Variants in SGCD observed in about 807,000 individuals in gnomAD.
SGCD encodes sarcoglycan delta, also known as delta-sarcoglycan.
A neutral mutation model predicts 36.6 loss-of-function variants in SGCD; 18 were observed. That is an observed-to-expected ratio of 0.49 (90% CI 0.34 to 0.73). SGCD has a LOEUF of 0.73. Among genes scored for constraint, SGCD ranks in the 30% least tolerant of loss-of-function variants. The pLI is 0.01. For missense variants in SGCD, 387 were observed against 346.7 expected, an observed-to-expected ratio of 1.12 and a Z score of -0.92; for synonymous variants, 133 against 130.6, an observed-to-expected ratio of 1.02 and a Z score of -0.12.
intron 3 of SGCD, among the ~76,000 whole-genome samples, chr5:156,444,064 TTC>T (rs535098783): frequency 0.057 from 1,958 of 34,446 alleles, 97 homozygotes; most frequent in Non-Finnish European, 0.076. Flanking sequence ...CTTTCTCTCC[TTC>T]TCTCTCTCTC....
At position 156,589,290 on chromosome 5, in the gene SGCD, G is replaced by T. The variant is rs770930747; in HGVS notation, c.354G>T (p.Gln118His). 5.7e-6 allele frequency: 9 copies of T among 1,573,550 alleles called. No homozygotes were observed. The Admixed American group carries it at 1.1e-4, about 20-fold the overall frequency. ...RNVTVNILND[Q>H]TKVLTQLITG... ...TTACAGTGAACATTCTCAATGACCA[G>T]ACTAAAGTGCTAACTCAGCTTATAA... The change falls in exon 5 of 9, where the codon CAG becomes CAT. Residue 118 changes from glutamine (Q) to histidine (H), a missense_variant. Transcript: ENST00000337851.
chr5:156,654,468 G>A (rs1763595078), intron 7 of SGCD, among the ~76,000 whole-genome samples: 2 of 152,110 alleles, frequency 1.3e-5, no homozygotes, highest in Admixed American at 1.3e-4. Flanking sequence ...TAAAAACTCA[G>A]GGAAGGAACC....
At chr5:156,036,694 G>T (rs1759506317) in intron 1 of SGCD, among the ~76,000 whole-genome samples, 1 of 152,070 alleles carries the variant, frequency 6.6e-6, no homozygotes, top group African/African-American at 2.4e-5. Flanking sequence ...CTGGTAACAG[G>T]GCTAGCTAGG....
At chr5:156,083,125 T>A (rs902438432) in intron 1 of SGCD, among the ~76,000 whole-genome samples, 32 of 152,254 alleles carry the variant, frequency 2.1e-4, no homozygotes, top group African/African-American at 6.5e-4. Context: ...GTCTTTTTTT[T>A]AAATTGTTGA....
At chr5:156,008,195 C>T (rs563825898) in intron 1 of SGCD, among the ~76,000 whole-genome samples, 5 of 152,194 alleles carry the variant, frequency 3.3e-5, no homozygotes, top group South Asian at 4.1e-4. Flanking sequence ...TTCTCACAGT[C>T]CAAAATCAAG....
At chr5:156,008,260 C>G (rs1758791853) in intron 1 of SGCD, among the ~76,000 whole-genome samples, 2 of 152,196 alleles carry the variant, frequency 1.3e-5, no homozygotes, top group African/African-American at 4.8e-5. Flanking sequence ...TTACTTTCCT[C>G]TTTCTAGCTT....
intron 3 of SGCD, among the ~76,000 whole-genome samples, chr5:156,258,683 GC>G (rs1765774708): frequency 6.6e-6 from 1 of 152,110 alleles, no homozygotes. Context: ...TTCTATTAAA[GC>G]AGATTTTAAA....
intron 3 of SGCD, among the ~76,000 whole-genome samples, chr5:156,294,069 A>T (rs1191408724): frequency 6.6e-6 from 1 of 152,060 alleles, no homozygotes; most frequent in East Asian, 1.9e-4. Context: ...AATCATTTTG[A>T]AGTATTTTAT....
At chr5:156,033,329 C>T (rs548131750) in intron 1 of SGCD, among the ~76,000 whole-genome samples, 9 of 152,174 alleles carry the variant, frequency 5.9e-5, no homozygotes, top group Non-Finnish European at 8.8e-5. Flanking sequence ...CTAGTGTACC[C>T]GTCACCCAAA....
rs577970364 is a variant in SGCD, at chr5:155,891,783, G to A, written c.-282+21359G>A. On this transcript the variant is annotated intron_variant, in intron 1 of 9. Transcript: ENST00000517913. ...ACTATAGCACCCAATAGTTACCATG[G>A]CGGTTAAGGCCCTACCTGTGTTTTT... Among the ~76,000 whole-genome samples, 17 of 151,912 alleles carry A rather than the reference G, an allele frequency of 1.1e-4. No homozygotes were observed. The East Asian group carries it at 3.1e-3, about 28-fold the overall frequency.
chr5:156,626,040 G>T lies in SGCD; in HGVS notation c.503-21424G>T, dbSNP rs572880644. Among the ~76,000 whole-genome samples, 4 of 151,966 alleles carry T rather than the reference G, an allele frequency of 2.6e-5. No individual in the cohort carries two copies. The East Asian group carries it at 7.8e-4, about 30-fold the overall frequency. ...ACATCTTTGGCACAATTTGGTGGGG[G>T]TGGAGGTGGGGGGTTGCTACTGACA... On this transcript the variant is annotated intron_variant, in intron 6 of 8. Transcript: ENST00000337851.
At chr5:156,180,413 C>A (rs76907814) in intron 3 of SGCD, among the ~76,000 whole-genome samples, 2,183 of 152,078 alleles carry the variant, frequency 0.014, 25 homozygotes, top group Non-Finnish European at 0.024. Flanking sequence ...AAAAAATAAA[C>A]AAATTTATCA....
intron 2 of SGCD, among the ~76,000 whole-genome samples, chr5:156,122,677 C>G (rs1762070512): frequency 1.3e-5 from 2 of 151,396 alleles, no homozygotes; most frequent in South Asian, 4.2e-4. Context: ...GCCATTGCAA[C>G]AACTTTAACT....
the SGCD span, among the ~76,000 whole-genome samples, chr5:155,751,717 A>G: frequency 1.3e-5 from 2 of 150,624 alleles, no homozygotes; most frequent in African/African-American, 2.5e-5. Flanking sequence ...TTTTTATAAA[A>G]AAAAAAGAAA....
At chr5:155,760,315 T>G in the SGCD span, among the ~76,000 whole-genome samples, 1 of 16 alleles carries the variant, frequency 0.062, no homozygotes, top group African/African-American at 0.5. Context: ...ATCATCCTCA[T>G]CATCACTCTN....
At chr5:155,903,911 T>C (rs1426946628) in intron 1 of SGCD, among the ~76,000 whole-genome samples, 1 of 152,144 alleles carries the variant, frequency 6.6e-6, no homozygotes, top group Non-Finnish European at 1.5e-5. Context: ...GAGGACAAAC[T>C]CCTCAGCAGG....
chr5:156,121,349 G>A (rs1435845674), intron 2 of SGCD, among the ~76,000 whole-genome samples: 1 of 152,100 alleles, frequency 6.6e-6, no homozygotes, highest in East Asian at 1.9e-4. Flanking sequence ...AGAGGGATAG[G>A]TATTTTCATC....
rs796543209 is a variant in SGCD at position 156,523,558 on chromosome 5, T to G, written c.294+14856T>G. 7.2e-5 allele frequency among the ~76,000 whole-genome samples: 11 copies of G among 152,314 alleles called. No individual in the cohort carries two copies. In the South Asian group the frequency reaches 2.3e-3, roughly 32 times the overall value. ...CTGAATCCAGGTCACAGATGTAGTCTATTTGCCTCACACAGTATTTTTCTT... is the reference window on the plus strand; with the variant it reads ...CTGAATCCAGGTCACAGATGTAGTCGATTTGCCTCACACAGTATTTTTCTT... On this transcript the variant is annotated intron_variant, in intron 4 of 8. Transcript: ENST00000337851.
At chr5:155,836,876 A>G in the SGCD span, among the ~76,000 whole-genome samples, 1 of 152,172 alleles carries the variant, frequency 6.6e-6, no homozygotes, top group Admixed American at 6.5e-5. Context: ...CTAGTGTGAC[A>G]TCTTTATCTT....
Sources: allele counts gnomAD v4.1 joint callset (sites outside exome capture counted in the v4.1 genomes callset), GRCh38; gene constraint gnomAD v4.1.1; transcripts MANE v1.5; gene names NCBI Gene and HGNC (gene_info 2026-07-23, HGNC 2026-07-21).